The following FAM53B variants were observed in gnomAD, a reference collection of about 807,000 sequenced individuals.
FAM53B encodes family with sequence similarity 53 member B, also known as protein FAM53B.
A neutral mutation model predicts 32.7 loss-of-function variants in FAM53B; 12 were observed. The ratio of observed to expected loss-of-function variants is 0.37; its 90% CI spans 0.24 to 0.59. FAM53B has a LOEUF of 0.59. FAM53B is among the 20% of genes least tolerant of loss of function. FAM53B has a pLI of 0.72. For synonymous variants in FAM53B, 234 were observed against 228.7 expected, an observed-to-expected ratio of 1.02 and a Z score of -0.21; for missense variants, 477 against 577.7, an observed-to-expected ratio of 0.83 and a Z score of 1.79.
rs186223570 is a variant in FAM53B at position 124,743,775 on chromosome 10, G to A, written c.-175+238C>T. The stretch of plus-strand genomic sequence containing the variant: ...ATGCCTGTGCTCTGACAAGTCTCAC[G>A]CCTGCATCAGGGGCGAGACCGAGCG... On this transcript the variant is annotated intron_variant, in intron 1 of 4. Transcript: ENST00000337318. 2.7e-3 allele frequency among the ~76,000 whole-genome samples: 405 copies of A among 151,992 alleles called. 3 individuals carry two copies. The highest frequency in any genetic ancestry group is 9.4e-3 in the African/African-American group (388 of 41,478).
intron 1 of FAM53B, among the ~76,000 whole-genome samples, chr10:124,722,399 T>C (rs1033984084): frequency 3.3e-5 from 5 of 152,186 alleles, no homozygotes; most frequent in South Asian, 2.1e-4. Context: ...TCTTCAGGTA[T>C]AGTGCTAAGT....
chr10:124,658,551 T>C (rs574194426), intron 4 of FAM53B, among the ~76,000 whole-genome samples: 1 of 152,236 alleles, frequency 6.6e-6, no homozygotes, highest in African/African-American at 2.4e-5. Flanking sequence ...GTCACCTTAG[T>C]GAGATCTATT....
At chr10:124,677,188 C>T (rs1033733657) in intron 4 of FAM53B, among the ~76,000 whole-genome samples, 1 of 152,184 alleles carries the variant, frequency 6.6e-6, no homozygotes, top group East Asian at 1.9e-4. Context: ...TCTAAATGGC[C>T]GCGTATGGCT....
intron 4 of FAM53B, among the ~76,000 whole-genome samples, chr10:124,626,394 C>T (rs955285931): frequency 1.4e-5 from 2 of 145,984 alleles, no homozygotes; most frequent in African/African-American, 2.5e-5. Context: ...TTGTGCCCCC[C>T]CCCCCCCCAC....
At chr10:124,625,095 A>G in intron 4 of FAM53B, among the ~76,000 whole-genome samples, 1 of 152,204 alleles carries the variant, frequency 6.6e-6, no homozygotes, top group East Asian at 1.9e-4. Context: ...ATTCTTTCAA[A>G]GGCTGCAGTG....
Position 124,631,790 on chromosome 10 carries a change from G to A in FAM53B, c.907-8186C>T, listed in dbSNP as rs976876565. Among the ~76,000 whole-genome samples, 3 of 152,124 alleles carry A rather than the reference G, an allele frequency of 2.0e-5. No homozygotes were observed. In the East Asian group the frequency reaches 5.8e-4, roughly 29 times the overall value. ...GGGTCAGCACCATCCTGACGGCCCC[G>A]CCCTGTCTCCCTCTTCACTGGCAGA... On this transcript the variant is annotated intron_variant, in intron 4 of 4. Coordinates refer to ENST00000337318, the MANE Select transcript of FAM53B (RefSeq NM_014661.4).
At position 124,682,060 on chromosome 10, in the gene FAM53B, G is replaced by A. The variant is rs149221760; in HGVS notation, c.453C>T (p.Ser151=). The change falls in exon 4 of 5, where the codon AGC becomes AGT. Residue 151 remains serine, a synonymous_variant. Transcript: ENST00000337318. The surrounding 1 kb of genome is among the most constrained non-coding windows in gnomAD (Gnocchi z 5.2). ...VEKRRCYSGG[S]VQRYSNGFST... is the part of the protein sequence containing the mutation. The stretch of plus-strand genomic sequence containing the variant: ...TGAAGCCGTTGGAATAGCGCTGGAC[G>A]CTGCCCCCGCTGTAGCAGCGTCTCT... 1,989 of 1,613,638 alleles carry A rather than the reference G, an allele frequency of 1.2e-3. 3 individuals are homozygous for A. Among genetic ancestry groups the A allele is most frequent in the Non-Finnish European group, 1.5e-3 (1,761 of 1,179,758 alleles).
chr10:124,696,287 C>A, intron 2 of FAM53B, 75 bp from the exon 3 acceptor site: 2 of 1,250,684 alleles, frequency 1.6e-6, no homozygotes, highest in Non-Finnish European at 2.4e-6. Context: ...CTGATCCCTT[C>A]TAAAGTCACA....
intron 4 of FAM53B, among the ~76,000 whole-genome samples, chr10:124,630,932 C>T (rs948730323): frequency 5.9e-5 from 9 of 152,260 alleles, no homozygotes; most frequent in Non-Finnish European, 1.3e-4. Flanking sequence ...GTCAGACTCA[C>T]AGGGCAGGCG....
Position 124,651,935 on chromosome 10 carries a change from T to G in FAM53B, c.907-28331A>C, listed in dbSNP as rs943552166. Among the ~76,000 whole-genome samples, 3 of 152,186 alleles carry G rather than the reference T, an allele frequency of 2.0e-5. No individual in the cohort carries two copies. In the East Asian group the frequency reaches 5.8e-4, roughly 29 times the overall value. On this transcript the variant is annotated intron_variant, in intron 4 of 4. Transcript: ENST00000337318. This position sits in a 1 kb window ranked among gnomAD's most constrained non-coding sequence, Gnocchi z 5.2. ...ATTTGTCCCCCATCTGTGAAGCATC[T>G]GTGGTCCACCAGGTGCTCTCCTGAG...
chr10:124,643,272 T>A (rs1949488391), intron 4 of FAM53B, among the ~76,000 whole-genome samples: 1 of 152,152 alleles, frequency 6.6e-6, no homozygotes, highest in South Asian at 2.1e-4. Context: ...GGGAAAAAAA[T>A]TAATTGCAGC....
At chr10:124,692,341 C>T (rs979043653) in intron 3 of FAM53B, among the ~76,000 whole-genome samples, 5 of 152,092 alleles carry the variant, frequency 3.3e-5, no homozygotes, top group Non-Finnish European at 7.3e-5. Flanking sequence ...GGGTAGGGGA[C>T]AAGAGTGGGG....
At chr10:124,675,472 G>A (rs546094357) in intron 4 of FAM53B, among the ~76,000 whole-genome samples, 17 of 152,278 alleles carry the variant, frequency 1.1e-4, no homozygotes, top group African/African-American at 2.9e-4. Context: ...CAGCAGGCCC[G>A]GGCTTTCTTT....
chr10:124,697,410 G>A (rs1428748588), intron 2 of FAM53B, among the ~76,000 whole-genome samples: 3 of 152,126 alleles, frequency 2.0e-5, no homozygotes, highest in Non-Finnish European at 4.4e-5. Context: ...AGGAGGATGG[G>A]GCTGACTAGG....
chr10:124,734,630 G>C (rs948142270), intron 1 of FAM53B, among the ~76,000 whole-genome samples: 1 of 152,218 alleles, frequency 6.6e-6, no homozygotes, highest in African/African-American at 2.4e-5. Flanking sequence ...TCTAGGGCCA[G>C]CACCAGAGGG....
At chr10:124,703,167 C>T (rs1050205004) in intron 2 of FAM53B, among the ~76,000 whole-genome samples, 1 of 152,168 alleles carries the variant, frequency 6.6e-6, no homozygotes, top group African/African-American at 2.4e-5. Context: ...GCCTCAGCCT[C>T]CCAAGTAGCT....
intron 1 of FAM53B, 107 bp downstream of exon 1, chr10:124,743,906 G>A (rs1362745110): frequency 2.7e-5 from 4 of 150,572 alleles, no homozygotes; most frequent in African/African-American, 9.7e-5. Flanking sequence ...CATTGCGCAC[G>A]CGAGCCGGGC....
chr10:124,677,231 G>A (rs1018913754), intron 4 of FAM53B, among the ~76,000 whole-genome samples: 1 of 152,220 alleles, frequency 6.6e-6, no homozygotes, highest in Non-Finnish European at 1.5e-5. Flanking sequence ...AATGCTGGGT[G>A]GTCAAACCAG....
intron 4 of FAM53B, among the ~76,000 whole-genome samples, chr10:124,643,057 C>G (rs999215787): frequency 2.6e-5 from 4 of 152,152 alleles, no homozygotes; most frequent in Non-Finnish European, 5.9e-5. Flanking sequence ...TTGAGATGAT[C>G]TTAAAGAAAG....
Sources: allele counts gnomAD v4.1 joint callset (sites outside exome capture counted in the v4.1 genomes callset), GRCh38; gene constraint gnomAD v4.1.1; non-coding constraint Gnocchi (gnomAD v3.1); transcripts MANE v1.5; gene names NCBI Gene and HGNC (gene_info 2026-07-23, HGNC 2026-07-21).